The following FRMD4A variants were observed in gnomAD, a reference collection of about 807,000 sequenced individuals.
The protein encoded by FRMD4A is FERM domain containing 4A, also known as FERM domain-containing protein 4A.
In FRMD4A, 29 loss-of-function variants were observed where a neutral mutation model predicts 129.1. That is an observed-to-expected ratio of 0.22 (90% CI 0.17 to 0.31). The LOEUF (loss-of-function observed/expected upper bound fraction) is 0.31, where lower values mean the gene tolerates loss of function less well. Ranked by LOEUF, FRMD4A falls within the 10% of genes least tolerant of loss-of-function variation. The pLI, the probability that FRMD4A is intolerant of heterozygous loss-of-function variation, is 1.00. For synonymous variants in FRMD4A, 634 were observed against 571.6 expected (o/e 1.11, Z -1.56); for missense variants, 1,272 against 1,375.8 (o/e 0.92, Z 1.19).
At chr10:13,954,611 G>T (rs535042802) in intron 2 of FRMD4A, among the ~76,000 whole-genome samples, 44 of 152,280 alleles carry the variant, frequency 2.9e-4, no homozygotes, top group African/African-American at 1.0e-3. Flanking sequence ...AAGGGGAATT[G>T]AGAGGAGAAA....
chr10:13,819,820 C>G (rs549528398), intron 3 of FRMD4A, among the ~76,000 whole-genome samples: 1 of 151,522 alleles, frequency 6.6e-6, no homozygotes, highest in African/African-American at 2.4e-5. Flanking sequence ...CTCCCAGGTT[C>G]AAGCAATTCT....
chr10:13,917,557 T>G (rs2095023812), intron 2 of FRMD4A, among the ~76,000 whole-genome samples: 1 of 152,208 alleles, frequency 6.6e-6, no homozygotes, highest in Non-Finnish European at 1.5e-5. Context: ...CCCAAAGTGC[T>G]GGGATTACAG....
intron 6 of FRMD4A, among the ~76,000 whole-genome samples, chr10:13,774,354 T>C (rs1269539368): frequency 6.6e-6 from 1 of 152,104 alleles, no homozygotes; most frequent in Non-Finnish European, 1.5e-5. Context: ...GTTCACAGTT[T>C]GGGAAAAATA....
intron 2 of FRMD4A, among the ~76,000 whole-genome samples, chr10:13,903,934 G>C (rs2094850585): frequency 6.6e-6 from 1 of 152,174 alleles, no homozygotes; most frequent in Admixed American, 6.5e-5. Context: ...GGACATTCTT[G>C]GATGTAGAAT....
At chr10:14,295,719 GA>G (rs1845987229) in intron 2 of FRMD4A, among the ~76,000 whole-genome samples, 1 of 152,198 alleles carries the variant, frequency 6.6e-6, no homozygotes, top group Non-Finnish European at 1.5e-5. Flanking sequence ...TGGAGTTTGG[GA>G]GAGGGGGAGT....
At chr10:13,850,170 C>T (rs1453629812) in intron 3 of FRMD4A, among the ~76,000 whole-genome samples, 1 of 152,066 alleles carries the variant, frequency 6.6e-6, no homozygotes, top group Non-Finnish European at 1.5e-5. Flanking sequence ...GATTACACCA[C>T]TGCACCCCAG....
chr10:13,883,844 G>A (rs551412712), intron 2 of FRMD4A, among the ~76,000 whole-genome samples: 3 of 152,168 alleles, frequency 2.0e-5, no homozygotes, highest in African/African-American at 4.8e-5. Context: ...CTTGGATGCA[G>A]ATATAATGTT....
At chr10:13,844,243 A>C (rs1288989666) in intron 3 of FRMD4A, among the ~76,000 whole-genome samples, 1 of 152,178 alleles carries the variant, frequency 6.6e-6, no homozygotes, top group Non-Finnish European at 1.5e-5. Flanking sequence ...TAGACATCAC[A>C]TAGTCATTGG....
chr10:13,934,440 T>G, intron 2 of FRMD4A, among the ~76,000 whole-genome samples: 1 of 152,142 alleles, frequency 6.6e-6, no homozygotes, highest in East Asian at 1.9e-4. Context: ...AAGCAGGGGC[T>G]CAAAGTGTCC....
intron 2 of FRMD4A, among the ~76,000 whole-genome samples, chr10:14,197,157 T>TGGTA (rs1008720005): frequency 1.3e-5 from 2 of 152,188 alleles, no homozygotes; most frequent in Admixed American, 1.3e-4. Flanking sequence ...CTCCCTGGTC[T>TGGTA]GGTACCTCAG....
intron 2 of FRMD4A, among the ~76,000 whole-genome samples, chr10:13,894,176 G>A (rs1029989099): frequency 6.6e-6 from 1 of 152,120 alleles, no homozygotes; most frequent in African/African-American, 2.4e-5. Context: ...GCATACTCAG[G>A]CCACATCATC....
intron 8 of FRMD4A, among the ~76,000 whole-genome samples, chr10:13,749,890 G>A (rs2091483085): frequency 6.6e-6 from 1 of 151,466 alleles, no homozygotes; most frequent in African/African-American, 2.4e-5. Context: ...CCAGGATGAG[G>A]TTGCAGTAAG....
At chr10:13,669,958 C>T (rs997721091) in intron 17 of FRMD4A, among the ~76,000 whole-genome samples, 5 of 152,170 alleles carry the variant, frequency 3.3e-5, no homozygotes, top group Admixed American at 2.0e-4. Flanking sequence ...GACCACGGGG[C>T]GGTGGACCCT....
At chr10:14,235,261 G>C (rs7893470) in intron 2 of FRMD4A, among the ~76,000 whole-genome samples, 24,696 of 133,208 alleles carry the variant, frequency 0.19, 4,627 homozygotes, top group Middle Eastern at 0.25. Flanking sequence ...GCCATTCTCC[G>C]GCCTCAGCCT....
rs2088306907 is a variant in FRMD4A at position 13,713,821 on chromosome 10, T to TATATATACATATATA, written c.760-6709_760-6708insTATATATGTATATAT. 8.4e-5 allele frequency among the ~76,000 whole-genome samples: 5 copies of TATATATACATATATA among 59,532 alleles called. 2 individuals are homozygous for TATATATACATATATA. The highest frequency in any genetic ancestry group is 5.1e-4 in the Admixed American group (2 of 3,884). The allele number at this position is 59,532 out of a possible 152,430, so 39.1% of individuals were successfully genotyped here. On this transcript the variant is annotated intron_variant, in intron 12 of 24. Transcript: ENST00000357447. ...GTAATATATATACACATATATATAA[T>TATATATACATATATA]ATATATACATATATGTAATATATAT...
At chr10:13,827,900 T>C (rs10906502) in intron 3 of FRMD4A, among the ~76,000 whole-genome samples, 119,151 of 152,058 alleles carry the variant, frequency 0.78, 46,809 homozygotes, top group East Asian at 0.9. Context: ...TCAACTGCTG[T>C]CTGGCTGCTC....
chr10:14,092,299 C>T (rs1004443518), intron 2 of FRMD4A, among the ~76,000 whole-genome samples: 1 of 152,234 alleles, frequency 6.6e-6, no homozygotes, highest in Non-Finnish European at 1.5e-5. Flanking sequence ...CAGCATCAAC[C>T]TGCCTATGGA....
At chr10:13,665,891 A>T (rs2082994425) in intron 18 of FRMD4A, among the ~76,000 whole-genome samples, 2 of 152,364 alleles carry the variant, frequency 1.3e-5, no homozygotes, top group South Asian at 4.1e-4. Flanking sequence ...TTTGATTCGT[A>T]CAATCCCTTC....
chr10:13,877,879 G>A (rs546977268), intron 2 of FRMD4A, among the ~76,000 whole-genome samples: 1 of 152,314 alleles, frequency 6.6e-6, no homozygotes, highest in African/African-American at 2.4e-5. Flanking sequence ...GAGGGGATAA[G>A]TCCTAGAGCT....
Sources: allele counts gnomAD v4.1 joint callset (sites outside exome capture counted in the v4.1 genomes callset), GRCh38; gene constraint gnomAD v4.1.1; transcripts MANE v1.5; gene names NCBI Gene and HGNC (gene_info 2026-07-23, HGNC 2026-07-21).